The following LMO7 variants were observed in gnomAD, a reference collection of about 807,000 sequenced individuals.
LMO7 encodes the protein LIM domain only protein 7.
Under a neutral mutation model 206.5 loss-of-function variants are expected in LMO7, and 120 were observed. The observed-to-expected ratio is 0.58, with a 90% CI of 0.50 to 0.68. LMO7 has a LOEUF of 0.68. Ranked by LOEUF, LMO7 falls within the 30% of genes least tolerant of loss-of-function variation. LMO7 has a pLI of 0.00. For synonymous variants in LMO7, 706 were observed against 681.5 expected (o/e 1.04, Z -0.56); for missense variants, 1,959 against 1,957.9 (o/e 1.00, Z -0.01).
intron 1 of LMO7, among the ~76,000 whole-genome samples, chr13:75,666,741 G>A (rs912103631): frequency 6.6e-6 from 1 of 152,176 alleles, no homozygotes; most frequent in Non-Finnish European, 1.5e-5. Context: ...TAAAAAGTTT[G>A]GATTTTATCT....
At chr13:75,690,291 A>C (rs1199248538) in intron 1 of LMO7, among the ~76,000 whole-genome samples, 1 of 151,986 alleles carries the variant, frequency 6.6e-6, no homozygotes, top group Admixed American at 6.6e-5. Flanking sequence ...GATCACAGTG[A>C]TCTTTTTCCT....
chr13:75,678,640 C>A (rs902195077), intron 1 of LMO7, among the ~76,000 whole-genome samples: 5 of 152,186 alleles, frequency 3.3e-5, no homozygotes, highest in African/African-American at 1.2e-4. Context: ...TTCGGTGAGA[C>A]CAGCTCTCCT....
At position 75,831,032 on chromosome 13, in the gene LMO7, A is replaced by G. The variant is rs1025509525; in HGVS notation, c.2950-2019A>G. 2.0e-5 allele frequency among the ~76,000 whole-genome samples: 3 copies of G among 151,610 alleles called. No homozygotes were observed. In the South Asian group the frequency reaches 6.3e-4, roughly 32 times the overall value. On this transcript the variant is annotated intron_variant, in intron 15 of 30. Transcript: ENST00000377534. ...GTAAGAGTGGTGAAGATGACCACTT[A>G]TTTTCACTGAGTCATCTCTAACTTA...
In LMO7 at chr13:75,840,074, C is replaced by T. The variant is rs777601818; in HGVS notation, c.3452-11C>T. 7 of 1,613,374 alleles carry T rather than the reference C, an allele frequency of 4.3e-6. No homozygotes were observed. The highest frequency in any genetic ancestry group is 5.9e-6 in the Non-Finnish European group (7 of 1,179,466). The stretch of plus-strand genomic sequence containing the variant: ...TATATTTTTCTTCCTTGCCCATGTG[C>T]TGCAACACAGGAAGCTCTGATTCGG... On this transcript the variant is annotated splice_polypyrimidine_tract_variant and intron_variant, in intron 20 of 30. Transcript: ENST00000377534.
At chr13:75,691,347 G>C (rs574191448) in intron 1 of LMO7, among the ~76,000 whole-genome samples, 59 of 152,320 alleles carry the variant, frequency 3.9e-4, no homozygotes, top group East Asian at 2.9e-3. Context: ...AAAAAATGCA[G>C]ACTGCTTTAT....
At chr13:75,794,901 C>T (rs2053763499) in intron 4 of LMO7, among the ~76,000 whole-genome samples, 6 of 152,028 alleles carry the variant, frequency 3.9e-5, no homozygotes, top group Non-Finnish European at 1.5e-5. Context: ...GAGCAGTTTG[C>T]TCTGGGGAAC....
intron 3 of LMO7, among the ~76,000 whole-genome samples, chr13:75,735,628 A>AT (rs1163734759): frequency 0.011 from 1,573 of 139,166 alleles, 30 homozygotes; most frequent in African/African-American, 0.033. Flanking sequence ...CACGCAGCTA[A>AT]TTTTTTTTTT....
chr13:75,687,106 A>T (rs1022600473), intron 1 of LMO7, among the ~76,000 whole-genome samples: 4 of 152,120 alleles, frequency 2.6e-5, no homozygotes, highest in African/African-American at 9.7e-5. Context: ...AAGTGAGGGG[A>T]TACACTATGG....
At chr13:75,814,582 G>A (rs1407873940) in intron 11 of LMO7, among the ~76,000 whole-genome samples, 2 of 152,170 alleles carry the variant, frequency 1.3e-5, no homozygotes. Context: ...GGCACCTACT[G>A]CAGGCTGGGC....
intron 2 of LMO7, among the ~76,000 whole-genome samples, chr13:75,714,486 T>G: frequency 6.6e-6 from 1 of 152,222 alleles, no homozygotes; most frequent in East Asian, 1.9e-4. Context: ...ATTATTAATT[T>G]TGTTCCATAT....
intron 3 of LMO7, among the ~76,000 whole-genome samples, chr13:75,748,404 C>T (rs954581821): frequency 5.9e-5 from 9 of 152,208 alleles, no homozygotes; most frequent in Admixed American, 5.9e-4. Flanking sequence ...TAACCCCTTA[C>T]ACCTCAGTTT....
rs1228462656 is a variant in LMO7 at position 75,626,569 on chromosome 13, CATATATATTATATAT to C, written c.225+3258_225+3272del. On this transcript the variant is annotated intron_variant, in intron 2 of 29. Transcript: ENST00000341547. The stretch of plus-strand genomic sequence containing the variant: ...CAAACCATATTGTCTACCCTCTTAA[CATATATATTATATAT>C]ATATATATAAATTTTTTTGAGACAG... Among the ~76,000 whole-genome samples, 63 of 86,964 alleles carry C rather than the reference CATATATATTATATAT, an allele frequency of 7.2e-4. 2 individuals carry two copies. Among genetic ancestry groups the C allele is most frequent in the African/African-American group, 2.8e-3 (61 of 22,150 alleles). The allele number at this position is 86,964 out of a possible 152,430, so 57.1% of individuals were successfully genotyped here. A position where few individuals can be genotyped will look rare whatever the true frequency, so the allele number is the denominator to read the frequency against.
At chr13:75,691,064 T>C (rs1158029210) in intron 1 of LMO7, among the ~76,000 whole-genome samples, 1 of 152,210 alleles carries the variant, frequency 6.6e-6, no homozygotes, top group Non-Finnish European at 1.5e-5. Context: ...TTACATGCAG[T>C]TAAAACTGGA....
chr13:75,744,200 G>A (rs1317178897), intron 3 of LMO7, among the ~76,000 whole-genome samples: 1 of 152,168 alleles, frequency 6.6e-6, no homozygotes, highest in Non-Finnish European at 1.5e-5. Flanking sequence ...GTGTCACCCA[G>A]AAAGAAAACT....
At chr13:75,669,373 C>A (rs1052261831) in intron 1 of LMO7, among the ~76,000 whole-genome samples, 4 of 151,954 alleles carry the variant, frequency 2.6e-5, no homozygotes, top group Admixed American at 2.6e-4. Context: ...AAAAGTGACC[C>A]CCCCGCCGCC....
intron 1 of LMO7, among the ~76,000 whole-genome samples, chr13:75,661,930 T>C (rs571225736): frequency 6.6e-6 from 1 of 152,372 alleles, no homozygotes; most frequent in African/African-American, 2.4e-5. Flanking sequence ...CTAGCAATGA[T>C]AAATTATAAG....
At chr13:75,846,310 G>A (rs1233368731) in intron 26 of LMO7, among the ~76,000 whole-genome samples, 1 of 152,152 alleles carries the variant, frequency 6.6e-6, no homozygotes, top group East Asian at 1.9e-4. Context: ...TCTTTGAGCA[G>A]TTAGGACCTT....
chr13:75,857,445 ACT>A (rs2061053451), intron 30 of LMO7: 1 of 147,514 alleles, frequency 6.8e-6, no homozygotes, highest in African/African-American at 2.5e-5. Context: ...AGCCCAGTCA[ACT>A]CTCTTTTATC....
intron 4 of LMO7, among the ~76,000 whole-genome samples, chr13:75,764,731 A>AC (rs1288264680): frequency 6.6e-6 from 1 of 151,954 alleles, no homozygotes; most frequent in Non-Finnish European, 1.5e-5. Flanking sequence ...TCTTCTTTCC[A>AC]CCCCCTTACC....
Sources: allele counts gnomAD v4.1 joint callset (sites outside exome capture counted in the v4.1 genomes callset), GRCh38; gene constraint gnomAD v4.1.1; transcripts MANE v1.5; gene names NCBI Gene and HGNC (gene_info 2026-07-23, HGNC 2026-07-21).